The following CDH12 variants were observed in gnomAD, a reference collection of about 807,000 sequenced individuals.
CDH12 encodes cadherin 12, also known as cadherin-12.
In CDH12, 41 loss-of-function variants were observed where a neutral mutation model predicts 74.1. The observed-to-expected ratio is 0.55, with a 90% CI of 0.43 to 0.72. CDH12 has a LOEUF of 0.72. Among genes scored for constraint, CDH12 ranks in the 30% least tolerant of loss-of-function variants. The pLI, the probability that CDH12 is intolerant of heterozygous loss-of-function variation, is 0.00. For missense variants in CDH12, 945 were observed against 977.2 expected, an observed-to-expected ratio of 0.97 and a Z score of 0.44; for synonymous variants, 399 against 355.0, an observed-to-expected ratio of 1.12 and a Z score of -1.39.
chr5:22,784,712 C>T (rs1561028739), intron 1 of CDH12, among the ~76,000 whole-genome samples: 1 of 152,064 alleles, frequency 6.6e-6, no homozygotes, highest in Admixed American at 6.6e-5. Flanking sequence ...ATTGTATTTT[C>T]CTGCTTGCAA....
At chr5:22,319,353 G>T (rs2150435733) in intron 3 of CDH12, among the ~76,000 whole-genome samples, 1 of 152,214 alleles carries the variant, frequency 6.6e-6, no homozygotes, top group East Asian at 1.9e-4. Context: ...GAAAGAAAAT[G>T]ACAGAACTCA....
chr5:22,694,359 CTAAT>C (rs1238412806), intron 1 of CDH12, among the ~76,000 whole-genome samples: 1 of 152,114 alleles, frequency 6.6e-6, no homozygotes, highest in Non-Finnish European at 1.5e-5. Flanking sequence ...ATTCCAAAAT[CTAAT>C]AAAATCCTTC....
chr5:21,861,306 T>C (rs575602982), intron 6 of CDH12, among the ~76,000 whole-genome samples: 1 of 152,066 alleles, frequency 6.6e-6, no homozygotes, highest in Non-Finnish European at 1.5e-5. Flanking sequence ...TAACTACACA[T>C]TAATTTTTCC....
chr5:21,947,902 C>T (rs945992015), intron 6 of CDH12, among the ~76,000 whole-genome samples: 16 of 152,224 alleles, frequency 1.1e-4, no homozygotes, highest in Non-Finnish European at 1.9e-4. Context: ...GCTGCTACTC[C>T]AGCTCCAGCC....
Position 22,654,214 on chromosome 5 carries a change from CTTTT to C in CDH12, c.-522-148854_-522-148851del, listed in dbSNP as rs1329826774. Among the ~76,000 whole-genome samples the C allele has an allele frequency of 4.2e-5, 6 of 142,014 alleles. 1 individual carries two copies. In the East Asian group the frequency reaches 6.3e-4, roughly 15 times the overall value. 93.2% of individuals were successfully genotyped at this position (142,014 alleles called of 152,430 possible). A position where few individuals can be genotyped will look rare whatever the true frequency, so the allele number is the denominator to read the frequency against. ...CTTTCTTTCTTTTCTTTCTTTCTTT[CTTTT>C]TGTTTCTTTGTTTCTTTGTTTCTTT... On this transcript the variant is annotated intron_variant, in intron 1 of 14. Transcript: ENST00000382254.
At position 21,845,866 on chromosome 5, in the gene CDH12, AG is replaced by A. The variant is rs1357000739; in HGVS notation, c.647-3539del. On this transcript the variant is annotated intron_variant, in intron 7 of 14. Transcript: ENST00000382254. ...TGGTAAAATTTCCCTTTTAATAAAA[AG>A]CAGCGCCAAATTATTTCTTTTCCAG... 2.6e-5 allele frequency among the ~76,000 whole-genome samples: 4 copies of A among 152,248 alleles called. No homozygotes were observed. The East Asian group carries it at 7.8e-4, about 30-fold the overall frequency.
chr5:22,071,148 AAAT>A (rs2150216663), intron 5 of CDH12, among the ~76,000 whole-genome samples: 1 of 152,222 alleles, frequency 6.6e-6, no homozygotes, highest in South Asian at 2.1e-4. Context: ...TTAAATTTAA[AAAT>A]AATAATAAAA....
At chr5:22,227,937 C>A (rs1752251376) in intron 3 of CDH12, among the ~76,000 whole-genome samples, 1 of 152,160 alleles carries the variant, frequency 6.6e-6, no homozygotes. Flanking sequence ...ACGTTCATCA[C>A]AATTCCACAC....
At chr5:21,979,772 T>C (rs1757225832) in intron 5 of CDH12, among the ~76,000 whole-genome samples, 2 of 151,994 alleles carry the variant, frequency 1.3e-5, no homozygotes, top group Admixed American at 6.6e-5. Context: ...CAAATACTAC[T>C]ACTAACCCAC....
In CDH12 at chr5:21,877,785, A is replaced by G. The variant is rs1274848224; in HGVS notation, c.527-22995T>C. Among the ~76,000 whole-genome samples, 5 of 152,236 alleles carry G rather than the reference A, an allele frequency of 3.3e-5. No individual in the cohort carries two copies. The South Asian group carries it at 1.0e-3, about 31-fold the overall frequency. ...GCATTTTGGCAATCCTGACACCTCAAGCCATGCTAAGTCTACAGAAGAGTG... is the reference window on the plus strand; with the variant it reads ...GCATTTTGGCAATCCTGACACCTCAGGCCATGCTAAGTCTACAGAAGAGTG... On this transcript the variant is annotated intron_variant, in intron 6 of 14. Transcript: ENST00000382254.
chr5:22,795,081 C>T (rs868262687), intron 1 of CDH12, among the ~76,000 whole-genome samples: 1 of 152,074 alleles, frequency 6.6e-6, no homozygotes, highest in East Asian at 1.9e-4. Flanking sequence ...TTGTATCACA[C>T]CAGTTCAAAC....
At chr5:22,491,866 C>T (rs1382284769) in intron 2 of CDH12, among the ~76,000 whole-genome samples, 1 of 152,112 alleles carries the variant, frequency 6.6e-6, no homozygotes, top group Non-Finnish European at 1.5e-5. Context: ...TTCGACTTCT[C>T]TGGTTTGTAG....
chr5:22,418,737 A>T (rs1040371963), intron 2 of CDH12, among the ~76,000 whole-genome samples: 2 of 152,078 alleles, frequency 1.3e-5, no homozygotes, highest in Non-Finnish European at 2.9e-5. Context: ...TACAAAAACT[A>T]GCCCGGCATG....
chr5:22,041,031 C>T (rs1268476558), intron 5 of CDH12, among the ~76,000 whole-genome samples: 7 of 151,798 alleles, frequency 4.6e-5, no homozygotes, highest in Admixed American at 3.3e-4. Context: ...AAATATAAAT[C>T]GTGACATCAA....
intron 1 of CDH12, among the ~76,000 whole-genome samples, chr5:22,757,048 T>C (rs1174714461): frequency 1.3e-5 from 2 of 152,152 alleles, no homozygotes; most frequent in Admixed American, 6.5e-5. Flanking sequence ...ACTTCCTCAA[T>C]AGGGATTTAG....
chr5:21,765,729 A>G (rs1037098762), intron 11 of CDH12, among the ~76,000 whole-genome samples: 2 of 152,120 alleles, frequency 1.3e-5, no homozygotes, highest in African/African-American at 4.8e-5. Flanking sequence ...CTAGTATCAG[A>G]AAGACTGTCA....
chr5:22,610,354 T>A (rs1037158633), intron 1 of CDH12, among the ~76,000 whole-genome samples: 6 of 152,180 alleles, frequency 3.9e-5, no homozygotes, highest in African/African-American at 1.4e-4. Context: ...ATATTTATAA[T>A]ATTTAGGAAG....
chr5:22,586,639 T>G (rs539569396), intron 1 of CDH12, among the ~76,000 whole-genome samples: 20 of 151,892 alleles, frequency 1.3e-4, no homozygotes, highest in African/African-American at 4.8e-4. Flanking sequence ...TCTGCTGAAT[T>G]TTTCTCATTT....
intron 3 of CDH12, among the ~76,000 whole-genome samples, chr5:22,235,308 A>G (rs1035024281): frequency 7.9e-5 from 12 of 152,142 alleles, no homozygotes; most frequent in Non-Finnish European, 1.8e-4. Flanking sequence ...ACGGCCAGAC[A>G]CCGTGGCTCA....
Sources: gnomAD v4.1 joint callset for allele counts (sites outside exome capture counted in the v4.1 genomes callset) on GRCh38, gnomAD v4.1.1 for gene constraint, MANE v1.5 for transcripts, NCBI Gene and HGNC (gene_info 2026-07-23, HGNC 2026-07-21) for gene names.